PITPNM1: variants seen among roughly 807,000 people sequenced by gnomAD.
PITPNM1 encodes the protein phosphatidylinositol transfer protein membrane associated 1.
PITPNM1 carries 74 observed loss-of-function variants against 133.3 expected under a neutral mutation model. That is an observed-to-expected ratio of 0.56 (90% CI 0.46 to 0.67). The LOEUF (loss-of-function observed/expected upper bound fraction) is 0.67. Ranked by LOEUF, PITPNM1 falls within the 30% of genes least tolerant of loss-of-function variation. PITPNM1 has a pLI of 0.00. For missense variants in PITPNM1, 1,398 were observed against 1,739.5 expected, an observed-to-expected ratio of 0.80 and a Z score of 3.49; for synonymous variants, 738 against 741.4, an observed-to-expected ratio of 1.00 and a Z score of 0.08.
At chr11:67,503,943 C>T (rs900701763) in intron 2 of PITPNM1, 160 bp downstream of exon 2, 2 of 554,352 alleles carry the variant, frequency 3.6e-6, no homozygotes, top group South Asian at 2.2e-5. Flanking sequence ...CCACTCGGCC[C>T]TCCTGCCCCT....
At chr11:67,494,540 T>C (rs116342487) in intron 18 of PITPNM1, among the ~76,000 whole-genome samples, 180 bp from the exon 19 acceptor site, 2,691 of 151,938 alleles carry the variant, frequency 0.018, 77 homozygotes, top group African/African-American at 0.062. Flanking sequence ...AGAGCCTGTG[T>C]GTGGGCCGCG....
rs1325710515 is a variant in PITPNM1, at chr11:67,498,639, G to T, written c.1441C>A (p.Pro481Thr). The change falls in exon 10 of 24, where the codon CCC becomes ACC. Residue 481 changes from proline (P) to threonine (T), a missense_variant. Pro to Thr is a conservative substitution (Grantham distance 38, BLOSUM62 -1). Around this residue, in one of 5 missense-constraint regions of PITPNM1, gnomAD observed 574 missense variants for 698.7 expected, o/e 0.82. Coordinates refer to ENST00000356404, the MANE Select transcript of PITPNM1 (RefSeq NM_004910.3). The surrounding 1 kb of genome is among the most constrained non-coding windows in gnomAD (Gnocchi z 5.7). The part of the protein sequence containing the change: ...ALGHVALRLV[P>T]CPPICAAAYA... ...GCGGCGGCGCAGATGGGTGGACAGG[G>T]CACCAGTCGCAGCGCCACGTGGCCC... 6.3e-7 allele frequency: 1 copy of T among 1,599,330 alleles called. No individual in the cohort carries two copies. The highest frequency in any genetic ancestry group is 8.5e-7 in the Non-Finnish European group (1 of 1,179,908).
rs1387562802 is a variant in PITPNM1, at chr11:67,502,592, T to G, written c.205A>C (p.Ile69Leu). 2.5e-6 allele frequency: 4 copies of G among 1,613,660 alleles called. No homozygotes were observed. In the Admixed American group the frequency reaches 5.0e-5, roughly 20 times the overall value. Residue 69 changes from isoleucine to leucine, a missense_variant, in exon 3 of 24, where the codon ATC (isoleucine) becomes CTC (leucine). Physicochemically the swap from Ile to Leu is conservative, Grantham distance 5 (BLOSUM62 2). Coordinates refer to ENST00000356404, the MANE Select transcript of PITPNM1 (RefSeq NM_004910.3). The surrounding 1 kb of genome is among the most constrained non-coding windows in gnomAD (Gnocchi z 5.9). ...AGCAGTGCCCGGAACCAGCCTGGGA[T>G]GTGGGAGCCCACGTGGTACACCTTG... ...THKVYHVGSH[I>L]PGWFRALLPK...
rs1438708961 is a variant in PITPNM1 at position 67,493,530 on chromosome 11, G to A, written c.3222C>T (p.His1074=). 9 of 1,585,500 alleles carry A rather than the reference G, an allele frequency of 5.7e-6. No homozygotes were observed. Among genetic ancestry groups the A allele is most frequent in the Non-Finnish European group, 7.7e-6 (9 of 1,166,278 alleles). The stretch of plus-strand genomic sequence containing the variant: ...GCTGCGACAGCCATGCCACCACGCG[G>A]TGCTTCTGCATATCCGGCCGGCCTG... The part of the protein sequence containing the change: ...YVTGRPDMQK[H]RVVAWLSQHN... Residue 1074 remains histidine (H), a synonymous_variant, in exon 22 of 24, where the codon CAC becomes CAT. Transcript: ENST00000356404.
Position 67,491,853 on chromosome 11 carries a change from C to G in PITPNM1, c.*180G>C, listed in dbSNP as rs964956640. The G allele has an allele frequency of 7.5e-6, 5 of 670,832 alleles. No individual in the cohort carries two copies. In the East Asian group the frequency reaches 1.1e-4, roughly 15 times the overall value. 41.6% of individuals were successfully genotyped at this position (670,832 alleles called of 1,614,324 possible). A position where few individuals can be genotyped will look rare whatever the true frequency, so the allele number is the denominator to read the frequency against. On this transcript the variant is annotated 3_prime_UTR_variant, in exon 24 of 24. Coordinates refer to ENST00000356404, the MANE Select transcript of PITPNM1 (RefSeq NM_004910.3). ...ATGCCCACGCCCTCCTCCCTCCCCC[C>G]GGCGCTGGGTCCCCTCATATGAAAG...
Position 67,497,969 on chromosome 11 carries a change from T to C in PITPNM1, c.1730A>G (p.His577Arg), listed in dbSNP as rs1419587078. The part of the protein sequence containing the change: ...GGILGFDALC[H>R]SANAGTGSRG... Reference sequence around the variant, plus strand: ...ACTCCCGGTGCCCGCGTTAGCACTGTGGCAGAGTGCATCAAAGCCCAGGAT... The same window carrying C: ...ACTCCCGGTGCCCGCGTTAGCACTGCGGCAGAGTGCATCAAAGCCCAGGAT... The change falls in exon 12 of 24, where the codon CAC becomes CGC. Residue 577 changes from histidine (H) to arginine (R), a missense_variant. His to Arg is a conservative substitution (Grantham distance 29). Coordinates refer to ENST00000356404, the MANE Select transcript of PITPNM1 (RefSeq NM_004910.3). 6.2e-7 allele frequency: 1 copy of C among 1,611,354 alleles called. No homozygotes were observed. The highest frequency in any genetic ancestry group is 1.7e-5 in the Admixed American group (1 of 60,024).
In PITPNM1 at chr11:67,498,812, G is replaced by A. The variant is rs992975228; in HGVS notation, c.1268C>T (p.Ala423Val). 4.3e-6 allele frequency: 7 copies of A among 1,611,408 alleles called. No homozygotes were observed. The highest frequency in any genetic ancestry group is 1.7e-5 in the Admixed American group (1 of 59,980). ...AAGGAAGAGGGCGTGGACTGCGCAT[G>A]CCTCAGCCCCCAGCTCCCCGGCTCC... ...LDGAGELGAE[A>V]CAVHALFLIL... Residue 423 changes from alanine (A) to valine (V), a missense_variant, in exon 10 of 24, where the codon GCA becomes GTA. Ala to Val is a moderately conservative substitution (Grantham distance 64). Coordinates refer to ENST00000356404, the MANE Select transcript of PITPNM1 (RefSeq NM_004910.3). This position sits in a 1 kb window ranked among gnomAD's most constrained non-coding sequence, Gnocchi z 5.7.
chr11:67,496,815 G>C (rs1866135194), intron 14 of PITPNM1: 1 of 186,854 alleles, frequency 5.4e-6, no homozygotes, highest in Non-Finnish European at 1.1e-5. Flanking sequence ...GCAGGTGCCT[G>C]TAATCCCAGT....
rs1325879407 is a variant in PITPNM1, at chr11:67,502,872, A to G, written c.79-154T>C. 6.6e-6 allele frequency among the ~76,000 whole-genome samples: 1 copy of G among 152,164 alleles called. No individual in the cohort carries two copies. The highest frequency in any genetic ancestry group is 1.9e-4 in the East Asian group (1 of 5,186). ...CCCCGCCCCACCAAAGCTCCCTGGG[A>G]TCAGAATCACAGATGCAGCCCAGCC... On this transcript the variant is annotated intron_variant, in intron 2 of 23. Transcript: ENST00000356404. This position sits in a 1 kb window ranked among gnomAD's most constrained non-coding sequence, Gnocchi z 5.9.
At chr11:67,503,993 G>C (rs958175013) in intron 2 of PITPNM1, 110 bp downstream of exon 2, 4 of 713,148 alleles carry the variant, frequency 5.6e-6, no homozygotes, top group Non-Finnish European at 6.8e-6. Context: ...CTGAAGGGGG[G>C]CCTCTCTTGC....
intron 12 of PITPNM1, 42 bp from the exon 13 acceptor site, chr11:67,497,721 C>A: frequency 1.9e-6 from 3 of 1,598,596 alleles, no homozygotes; most frequent in Non-Finnish European, 2.6e-6. Flanking sequence ...GGCCTGGGGA[C>A]CATTCGAATT....
rs895046975 is a variant in PITPNM1, at chr11:67,504,933, C to T, written c.-42+255G>A. The T allele has an allele frequency of 6.5e-6, 1 of 152,762 alleles. No individual in the cohort carries two copies. Among genetic ancestry groups the T allele is most frequent in the Non-Finnish European group, 1.5e-5 (1 of 68,486 alleles). 9.5% of individuals were successfully genotyped at this position (152,762 alleles called of 1,614,324 possible). ...CGCGCCTAGGCAGCCACTCCGTCCT[C>T]TTCCCAGGGGGTGAGCCCTCCTCAG... On this transcript the variant is annotated intron_variant, in intron 1 of 23. Transcript: ENST00000356404. The surrounding 1 kb of genome is among the most constrained non-coding windows in gnomAD (Gnocchi z 5.4).
intron 5 of PITPNM1, among the ~76,000 whole-genome samples, 187 bp downstream of exon 5, chr11:67,501,675 T>TA (rs1315910467): frequency 6.6e-6 from 1 of 152,230 alleles, no homozygotes; most frequent in Non-Finnish European, 1.5e-5. Flanking sequence ...TAGATCATGT[T>TA]ACCAGCTTCC....
rs1286920438 is a variant in PITPNM1 at position 67,500,313 on chromosome 11, C to T, written c.749G>A (p.Arg250His). The change falls in exon 6 of 24, where the codon CGC (arginine) becomes CAC (histidine). Residue 250 changes from arginine (R) to histidine (H), a missense_variant. Around this residue, in one of 5 missense-constraint regions of PITPNM1, gnomAD observed 274 missense variants for 360.7 expected, o/e 0.76. Transcript: ENST00000356404. ...CTTGGCCATGCGCTGGGCCAGCATG[C>T]GAGCAGTCTCCTCTTCCAGTGCCCG... ...DIRALEEETA[R>H]MLAQRMAKCN... 1.2e-5 allele frequency: 19 copies of T among 1,611,642 alleles called. No homozygotes were observed. Among genetic ancestry groups the T allele is most frequent in the East Asian group, 1.1e-4 (5 of 44,892 alleles).
chr11:67,500,947 T>C (rs1417260344), intron 5 of PITPNM1, among the ~76,000 whole-genome samples: 13 of 152,250 alleles, frequency 8.5e-5, no homozygotes, highest in Non-Finnish European at 2.9e-5. Flanking sequence ...ATGATAATTA[T>C]AAACTTCTGC....
rs201406420 is a variant in PITPNM1 at position 67,498,066 on chromosome 11, C to T, written c.1675-42G>A. 3.3e-5 allele frequency: 53 copies of T among 1,608,036 alleles called. No homozygotes were observed. In the African/African-American group the frequency reaches 5.9e-4, roughly 18 times the overall value. On this transcript the variant is annotated intron_variant, in intron 11 of 23. Transcript: ENST00000356404. This position sits in a 1 kb window ranked among gnomAD's most constrained non-coding sequence, Gnocchi z 5.7. ...GCACCATCAGGAGAGGCCTTGTCCT[C>T]ACCCAGGCCAGACTACAGTGGGGGC...
chr11:67,495,469 G>A lies in PITPNM1; in HGVS notation c.2451C>T (p.Ala817=), dbSNP rs755279881. The change falls in exon 16 of 24, where the codon GCC becomes GCT. Residue 817 remains alanine, a synonymous_variant. Transcript: ENST00000356404. ...ELATDPPAQP[A]APSTTSEVVK... is the part of the protein sequence containing the mutation. The stretch of plus-strand genomic sequence containing the variant: ...CCACCTCACTGGTGGTGCTGGGGGC[G>A]GCTGGCTGGGCCGGGGGGTCAGTGG... 47 of 1,548,016 alleles carry A rather than the reference G, an allele frequency of 3.0e-5. No homozygotes were observed. The African/African-American group carries it at 5.3e-4, about 18-fold the overall frequency.
chr11:67,496,179 CA>C lies in PITPNM1; in HGVS notation c.2315del (p.Leu772ArgfsTer107). ...CCTTTATCTTGTTTGGGGGCGTACCCAGCAGCAGGGATGAGCCATCTCCCAG... is the reference window on the plus strand; with the variant it reads ...CCTTTATCTTGTTTGGGGGCGTACCCGCAGCAGGGATGAGCCATCTCCCAG... ...FPLGDGSSLL[L>X]ADTLQTHSSL... On this transcript the variant is annotated frameshift_variant and splice_region_variant, in exon 15 of 24. Coordinates refer to ENST00000356404, the MANE Select transcript of PITPNM1 (RefSeq NM_004910.3). LOFTEE classifies it high-confidence loss of function. 1 of 1,525,512 alleles carries C rather than the reference CA, an allele frequency of 6.6e-7. No individual in the cohort carries two copies. Among genetic ancestry groups the C allele is most frequent in the Non-Finnish European group, 8.8e-7 (1 of 1,142,236 alleles). 94.5% of individuals were successfully genotyped at this position (1,525,512 alleles called of 1,614,324 possible).
chr11:67,497,712 G>A (rs1320037307), intron 12 of PITPNM1, 33 bp from the exon 13 acceptor site: 1 of 1,601,924 alleles, frequency 6.2e-7, no homozygotes, highest in Non-Finnish European at 8.5e-7. Context: ...ACATTCTTAG[G>A]CCTGGGGACC....
Sources: allele counts gnomAD v4.1 joint callset (sites outside exome capture counted in the v4.1 genomes callset), GRCh38; gene constraint gnomAD v4.1.1; regional missense constraint gnomAD v4.1.1; non-coding constraint Gnocchi (gnomAD v3.1); transcripts MANE v1.5; gene names NCBI Gene and HGNC (gene_info 2026-07-23, HGNC 2026-07-21).